The following SLC24A4 variants were observed in gnomAD, a reference collection of about 807,000 sequenced individuals.
The protein encoded by SLC24A4 is sodium/potassium/calcium exchanger 4.
Under a neutral mutation model 79.0 loss-of-function variants are expected in SLC24A4, and 53 were observed. That is an observed-to-expected ratio of 0.67 (90% CI 0.54 to 0.84). The LOEUF is 0.84. Among genes scored for constraint, SLC24A4 ranks in the 40% least tolerant of loss-of-function variants. The pLI is 0.00. For missense variants in SLC24A4, 731 were observed against 822.0 expected (o/e 0.89, Z 1.35); for synonymous variants, 323 against 323.8 (o/e 1.00, Z 0.03).
At chr14:92,401,968 T>C in intron 2 of SLC24A4, among the ~76,000 whole-genome samples, 1 of 152,142 alleles carries the variant, frequency 6.6e-6, no homozygotes, top group East Asian at 1.9e-4. Context: ...GTAAAAGAAA[T>C]ACGAGACAAA....
At chr14:92,375,106 C>G (rs1413794156) in intron 2 of SLC24A4, among the ~76,000 whole-genome samples, 1 of 152,192 alleles carries the variant, frequency 6.6e-6, no homozygotes, top group Non-Finnish European at 1.5e-5. Flanking sequence ...TCAAACAGTT[C>G]CAACTTTTTA....
At chr14:92,350,114 G>A (rs546122748) in intron 2 of SLC24A4, among the ~76,000 whole-genome samples, 1 of 152,320 alleles carries the variant, frequency 6.6e-6, no homozygotes, top group South Asian at 2.1e-4. Context: ...GAGCCCTGTT[G>A]AAGTCTCTCT....
Position 92,449,086 on chromosome 14 carries a change from G to A in SLC24A4, c.750G>A (p.Lys250=). 1 of 1,614,144 alleles carries A rather than the reference G, an allele frequency of 6.2e-7. No homozygotes were observed. Among genetic ancestry groups the A allele is most frequent in the Admixed American group, 1.7e-5 (1 of 60,018 alleles). Residue 250 remains lysine (K), a synonymous_variant, in exon 10 of 17, where the codon AAG becomes AAA. Transcript: ENST00000532405. ...FYILIMKYNV[K]MQAFFTVKQK... ...CCCTCGCTTCCAGGTACAATGTGAA[G>A]ATGCAAGCCTTTTTCACAGTCAAAC...
chr14:92,373,091 C>T (rs1330070819), intron 2 of SLC24A4, among the ~76,000 whole-genome samples: 1 of 151,246 alleles, frequency 6.6e-6, no homozygotes, highest in Non-Finnish European at 1.5e-5. Flanking sequence ...CAACCTCCAC[C>T]TCCTGGGTCA....
chr14:92,412,020 T>C (rs192484386), intron 2 of SLC24A4, among the ~76,000 whole-genome samples: 34 of 152,254 alleles, frequency 2.2e-4, no homozygotes, highest in Admixed American at 7.8e-4. Context: ...CGGGGCCCGC[T>C]GTGGGCATGG....
At chr14:92,365,936 G>A (rs1005337992) in intron 2 of SLC24A4, among the ~76,000 whole-genome samples, 1 of 152,204 alleles carries the variant, frequency 6.6e-6, no homozygotes, top group Admixed American at 6.5e-5. Flanking sequence ...CGTGTACTAA[G>A]CATCTGCCAT....
In SLC24A4 at chr14:92,491,776, C is replaced by T. The variant is rs1470673657; in HGVS notation, c.1649C>T (p.Thr550Ile). 1 of 1,604,896 alleles carries T rather than the reference C, an allele frequency of 6.2e-7. No individual in the cohort carries two copies. The highest frequency in any genetic ancestry group is 8.5e-7 in the Non-Finnish European group (1 of 1,171,584). Residue 550 changes from threonine (T) to isoleucine (I), a missense_variant and splice_region_variant, in exon 15 of 17, where the codon ACA becomes ATA. Coordinates refer to ENST00000532405, the MANE Select transcript of SLC24A4 (RefSeq NM_153646.4). The stretch of plus-strand genomic sequence containing the variant: ...ACCATGGTTGTTAATTATGGATCAA[C>T]AGTAAGTTCCTCTCACCTTTAACAG... ...LQTMVVNYGS[T>I]VKINSRGLVY...
rs36185636 is a variant in SLC24A4 at position 92,474,863 on chromosome 14, A to ATATATATATATATATATATT, written c.1256-7816_1256-7815insATATATATATATATATATTT. Among the ~76,000 whole-genome samples, 23 of 57,116 alleles carry ATATATATATATATATATATT rather than the reference A, an allele frequency of 4.0e-4. 1 individual carries two copies. The highest frequency in any genetic ancestry group is 5.8e-4 in the Non-Finnish European group (17 of 29,120). The allele number at this position is 57,116 out of a possible 152,430, so 37.5% of individuals were successfully genotyped here. A position where few individuals can be genotyped will look rare whatever the true frequency, so the allele number is the denominator to read the frequency against. On this transcript the variant is annotated intron_variant, in intron 12 of 16. Transcript: ENST00000532405. The stretch of plus-strand genomic sequence containing the variant: ...TGTGTGTATATATATATATATATAT[A>ATATATATATATATATATATT]TTTTTTTTTTTTTTAGTAGACACAG...
At chr14:92,482,288 TA>T (rs1291130742) in intron 12 of SLC24A4, among the ~76,000 whole-genome samples, 1 of 152,218 alleles carries the variant, frequency 6.6e-6, no homozygotes, top group Non-Finnish European at 1.5e-5. Flanking sequence ...TCTAAGTTAT[TA>T]TTGTCAGAGG....
At chr14:92,378,535 C>T (rs1333717657) in intron 2 of SLC24A4, among the ~76,000 whole-genome samples, 1 of 152,178 alleles carries the variant, frequency 6.6e-6, no homozygotes, top group Non-Finnish European at 1.5e-5. Context: ...ATCTTCTCCA[C>T]CTCCGTAATG....
intron 2 of SLC24A4, among the ~76,000 whole-genome samples, chr14:92,390,062 C>T (rs1889379145): frequency 6.6e-6 from 1 of 152,034 alleles, no homozygotes; most frequent in Non-Finnish European, 1.5e-5. Context: ...CCTCACATCA[C>T]TCCTGCCCCT....
chr14:92,354,358 A>C (rs1486998592), intron 2 of SLC24A4, among the ~76,000 whole-genome samples: 2 of 151,924 alleles, frequency 1.3e-5, no homozygotes, highest in African/African-American at 4.8e-5. Context: ...TCACTGTATT[A>C]GTCAGGATGG....
chr14:92,461,793 A>G (rs1329611951), intron 12 of SLC24A4, among the ~76,000 whole-genome samples: 1 of 152,146 alleles, frequency 6.6e-6, no homozygotes, highest in Non-Finnish European at 1.5e-5. Context: ...AGAGCTTTAC[A>G]TGTATCCCCT....
At chr14:92,470,091 G>A (rs1486779713) in intron 12 of SLC24A4, among the ~76,000 whole-genome samples, 1 of 152,216 alleles carries the variant, frequency 6.6e-6, no homozygotes, top group African/African-American at 2.4e-5. Context: ...TTTAACTGGA[G>A]TTATTCTAGA....
chr14:92,337,730 C>A (rs186630780), intron 2 of SLC24A4, among the ~76,000 whole-genome samples: 221 of 152,290 alleles, frequency 1.5e-3, no homozygotes, highest in African/African-American at 5.1e-3. Context: ...AGTGCTTGTA[C>A]ACACATATGT....
chr14:92,327,202 T>A (rs201996607), intron 2 of SLC24A4, among the ~76,000 whole-genome samples: 1 of 152,228 alleles, frequency 6.6e-6, no homozygotes, highest in East Asian at 1.9e-4. Flanking sequence ...ACTGTTTTTA[T>A]GCTATCAGCT....
chr14:92,437,608 T>G (rs1033114360), intron 3 of SLC24A4, among the ~76,000 whole-genome samples: 1 of 152,222 alleles, frequency 6.6e-6, no homozygotes, highest in Admixed American at 6.5e-5. Context: ...CCTTAGAATC[T>G]GGGTTCTTTA....
At chr14:92,427,149 G>A (rs564904908) in intron 2 of SLC24A4, among the ~76,000 whole-genome samples, 2 of 152,388 alleles carry the variant, frequency 1.3e-5, no homozygotes, top group Non-Finnish European at 2.9e-5. Context: ...AGCAGTTTGG[G>A]AAGACAGGGG....
intron 2 of SLC24A4, among the ~76,000 whole-genome samples, chr14:92,326,967 G>GC (rs1416614544): frequency 2.0e-5 from 3 of 152,196 alleles, no homozygotes; most frequent in Non-Finnish European, 2.9e-5. Flanking sequence ...GGACAAAGGA[G>GC]CAGGGTTGGA....
Sources: allele counts gnomAD v4.1 joint callset (sites outside exome capture counted in the v4.1 genomes callset), GRCh38; gene constraint gnomAD v4.1.1; transcripts MANE v1.5; gene names NCBI Gene and HGNC (gene_info 2026-07-23, HGNC 2026-07-21).